The following NPAS3 variants were observed in gnomAD, a reference collection of about 807,000 sequenced individuals.
The protein encoded by NPAS3 is neuronal PAS domain-containing protein 3.
Under a neutral mutation model 73.1 loss-of-function variants are expected in NPAS3, and 14 were observed. That is an observed-to-expected ratio of 0.19 (90% CI 0.13 to 0.30). The LOEUF is 0.30. NPAS3 is among the 10% of genes least tolerant of loss of function. The pLI, the probability that NPAS3 is intolerant of heterozygous loss-of-function variation, is 1.00. For synonymous variants in NPAS3, 620 were observed against 541.5 expected, an observed-to-expected ratio of 1.14 and a Z score of -2.01; for missense variants, 1,096 against 1,250.0, an observed-to-expected ratio of 0.88 and a Z score of 1.86.
At chr14:33,010,378 A>G (rs905603107) in intron 1 of NPAS3, among the ~76,000 whole-genome samples, 1 of 152,228 alleles carries the variant, frequency 6.6e-6, no homozygotes, top group African/African-American at 2.4e-5. Flanking sequence ...TACAGTTTCA[A>G]TAGTCAAAGT....
At chr14:33,037,827 C>A (rs1595294120) in intron 1 of NPAS3, among the ~76,000 whole-genome samples, 1 of 152,302 alleles carries the variant, frequency 6.6e-6, no homozygotes, top group South Asian at 2.1e-4. Flanking sequence ...CTATGTGACT[C>A]ATCTCAGTTG....
At chr14:33,668,820 A>T (rs2059530666) in intron 5 of NPAS3, among the ~76,000 whole-genome samples, 1 of 152,258 alleles carries the variant, frequency 6.6e-6, no homozygotes, top group Admixed American at 6.5e-5. Flanking sequence ...CCCTGTCTCA[A>T]AATAAAATAA....
At chr14:33,342,016 T>G (rs117212014) in intron 3 of NPAS3, among the ~76,000 whole-genome samples, 2,338 of 152,324 alleles carry the variant, frequency 0.015, 37 homozygotes, top group Non-Finnish European at 0.024. Flanking sequence ...GAGACAAGAT[T>G]TTCCTATTTC....
intron 4 of NPAS3, among the ~76,000 whole-genome samples, chr14:33,544,788 T>TA (rs2054707565): frequency 1.6e-5 from 1 of 63,256 alleles, no homozygotes; most frequent in Non-Finnish European, 2.9e-5. Flanking sequence ...TGTGTGTGTA[T>TA]TATATATATA....
At chr14:33,268,336 C>T (rs777435948) in intron 3 of NPAS3, among the ~76,000 whole-genome samples, 43 of 152,060 alleles carry the variant, frequency 2.8e-4, no homozygotes, top group Non-Finnish European at 5.0e-4. Flanking sequence ...TATAAATTTA[C>T]GAGATGCTAT....
In NPAS3 at chr14:33,743,003, T is replaced by C. The variant is rs528072238; in HGVS notation, c.852+7671T>C. On this transcript the variant is annotated intron_variant, in intron 7 of 11. Coordinates refer to ENST00000356141, the Ensembl canonical transcript of NPAS3. ...GATTCTAATTCTCTTGCCATTTCCTTCATATATGCAGTTCTTCCCTCCACT... is the reference window on the plus strand; with the variant it reads ...GATTCTAATTCTCTTGCCATTTCCTCCATATATGCAGTTCTTCCCTCCACT... Among the ~76,000 whole-genome samples the C allele has an allele frequency of 1.8e-3, 268 of 150,170 alleles. 2 individuals are homozygous for C. The highest frequency in any genetic ancestry group is 3.0e-3 in the Non-Finnish European group (204 of 68,014).
chr14:33,565,902 A>C (rs2055904430), intron 5 of NPAS3, among the ~76,000 whole-genome samples: 1 of 152,052 alleles, frequency 6.6e-6, no homozygotes, highest in Non-Finnish European at 1.5e-5. Flanking sequence ...TTTTTAAAAA[A>C]AAGCAGAAAA....
At chr14:33,477,858 A>G (rs1159579775) in intron 4 of NPAS3, among the ~76,000 whole-genome samples, 1 of 152,230 alleles carries the variant, frequency 6.6e-6, no homozygotes, top group Non-Finnish European at 1.5e-5. Flanking sequence ...AAAAGGAACT[A>G]TGTCCTCTAA....
At chr14:33,220,598 A>G (rs2047388049) in intron 3 of NPAS3, among the ~76,000 whole-genome samples, 1 of 152,180 alleles carries the variant, frequency 6.6e-6, no homozygotes, top group Non-Finnish European at 1.5e-5. Context: ...CATCTTTGAC[A>G]CTGGGCAGGA....
intron 4 of NPAS3, among the ~76,000 whole-genome samples, chr14:33,555,138 A>G (rs2055297207): frequency 6.6e-6 from 1 of 152,220 alleles, no homozygotes; most frequent in African/African-American, 2.4e-5. Context: ...TGGATGGCTA[A>G]GAACTGTTTT....
chr14:33,092,971 A>G (rs2042280331), intron 2 of NPAS3, among the ~76,000 whole-genome samples: 1 of 152,258 alleles, frequency 6.6e-6, no homozygotes. Flanking sequence ...AATTAATTCA[A>G]GATGGATCAA....
At chr14:32,955,387 C>T (rs1379535397) in intron 1 of NPAS3, among the ~76,000 whole-genome samples, 2 of 152,014 alleles carry the variant, frequency 1.3e-5, no homozygotes, top group Non-Finnish European at 2.9e-5. Context: ...CTTACATAAA[C>T]GTCAGTCCAA....
intron 4 of NPAS3, among the ~76,000 whole-genome samples, chr14:33,367,805 A>G (rs1311025410): frequency 6.6e-6 from 1 of 152,166 alleles, no homozygotes; most frequent in South Asian, 2.1e-4. Flanking sequence ...GGAGACAAAT[A>G]ATAATTGATT....
At chr14:33,014,884 T>C (rs2039336360) in intron 1 of NPAS3, among the ~76,000 whole-genome samples, 1 of 152,180 alleles carries the variant, frequency 6.6e-6, no homozygotes, top group Non-Finnish European at 1.5e-5. Flanking sequence ...CCTTGGAGCA[T>C]GAGGCCGGGC....
At chr14:33,053,223 G>A (rs760214985) in intron 1 of NPAS3, among the ~76,000 whole-genome samples, 1 of 152,124 alleles carries the variant, frequency 6.6e-6, no homozygotes, top group Non-Finnish European at 1.5e-5. Flanking sequence ...CCATTCTCAT[G>A]ATAAGTTGCT....
chr14:33,122,541 G>T (rs993581372), intron 2 of NPAS3, among the ~76,000 whole-genome samples: 5 of 152,094 alleles, frequency 3.3e-5, no homozygotes, highest in Admixed American at 1.3e-4. Flanking sequence ...TTGGGGTTTG[G>T]TTCTGCTAAT....
chr14:33,440,103 G>A (rs2049174316), intron 4 of NPAS3, among the ~76,000 whole-genome samples: 1 of 144,382 alleles, frequency 6.9e-6, no homozygotes, highest in East Asian at 2.1e-4. Flanking sequence ...GCAACAGAGT[G>A]ACAGTCTGTC....
chr14:33,790,034 C>T (rs2138608768), intron 9 of NPAS3, among the ~76,000 whole-genome samples: 1 of 152,282 alleles, frequency 6.6e-6, no homozygotes, highest in Admixed American at 6.5e-5. Flanking sequence ...TGCCAGGTTA[C>T]ATGTTAGAGG....
chr14:33,627,628 C>T (rs1435758655), intron 5 of NPAS3, among the ~76,000 whole-genome samples: 1 of 152,168 alleles, frequency 6.6e-6, no homozygotes, highest in South Asian at 2.1e-4. Flanking sequence ...AGGTTTTTCA[C>T]GCACATAACT....
Sources: allele counts gnomAD v4.1 joint callset (sites outside exome capture counted in the v4.1 genomes callset), GRCh38; gene constraint gnomAD v4.1.1; transcripts MANE v1.5; gene names NCBI Gene and HGNC (gene_info 2026-07-23, HGNC 2026-07-21).